The following EVI5 variants were observed in gnomAD, a reference collection of about 807,000 sequenced individuals.
EVI5 encodes ecotropic viral integration site 5 protein homolog.
In EVI5, 73 loss-of-function variants were observed where a neutral mutation model predicts 112.0. That is an observed-to-expected ratio of 0.65 (90% confidence interval 0.54 to 0.79). The LOEUF is 0.79. Ranked by LOEUF, EVI5 falls within the 30% of genes least tolerant of loss-of-function variation. EVI5 has a pLI of 0.00. For synonymous variants in EVI5, 305 were observed against 319.9 expected, an observed-to-expected ratio of 0.95 and a Z score of 0.50; for missense variants, 900 against 968.8, an observed-to-expected ratio of 0.93 and a Z score of 0.94.
At position 92,607,711 on chromosome 1, in the gene EVI5, T is replaced by A. The variant is rs1650754276; in HGVS notation, c.1844A>T (p.Asn615Ile). Residue 615 changes from asparagine (N) to isoleucine (I), a missense_variant, in exon 17 of 20, where the codon AAC (asparagine) becomes ATC (isoleucine). Asn to Ile is a moderately radical substitution (Grantham distance 149, BLOSUM62 -3). Transcript: ENST00000684568. ...CTCTTGTTCTGCTCTTCGAAGATGG[T>A]TACTATTGATCTGGTTCTAATAATC... ...EMETQNQINS[N>I]HLRRAEQEVI... The A allele has an allele frequency of 6.2e-7, 1 of 1,600,680 alleles. No homozygotes were observed. Among genetic ancestry groups the A allele is most frequent in the Non-Finnish European group, 8.5e-7 (1 of 1,174,380 alleles).
chr1:92,727,660 C>CA (rs1276202306), intron 2 of EVI5, among the ~76,000 whole-genome samples: 1 of 152,010 alleles, frequency 6.6e-6, no homozygotes, highest in Non-Finnish European at 1.5e-5. Context: ...AATTAAAAGA[C>CA]AAAGATTGTC....
intron 1 of EVI5, among the ~76,000 whole-genome samples, chr1:92,781,146 G>A (rs974196179): frequency 6.6e-5 from 10 of 151,398 alleles, no homozygotes; most frequent in East Asian, 2.0e-4. Flanking sequence ...CACCACGCCC[G>A]GCCTAAAAAG....
chr1:92,661,652 TG>T (rs1664035825), intron 13 of EVI5, among the ~76,000 whole-genome samples: 1 of 152,118 alleles, frequency 6.6e-6, no homozygotes, highest in Non-Finnish European at 1.5e-5. Context: ...AGTATTATTT[TG>T]TCACTCTCCT....
intron 5 of EVI5, among the ~76,000 whole-genome samples, chr1:92,698,655 A>G (rs1363075283): frequency 6.6e-6 from 1 of 152,210 alleles, no homozygotes; most frequent in African/African-American, 2.4e-5. Flanking sequence ...TGGAGGAGAA[A>G]TAACAGGGAA....
intron 13 of EVI5, among the ~76,000 whole-genome samples, chr1:92,656,441 C>A (rs1038651560): frequency 6.6e-6 from 1 of 151,564 alleles, no homozygotes; most frequent in Non-Finnish European, 1.5e-5. Flanking sequence ...AATAAAAAAA[C>A]CAGAAGGATC....
intron 16 of EVI5, among the ~76,000 whole-genome samples, chr1:92,608,440 T>C (rs910324803): frequency 1.3e-5 from 2 of 152,082 alleles, no homozygotes; most frequent in African/African-American, 4.8e-5. Flanking sequence ...GTGCAGTGGC[T>C]CATGTCTAAT....
At chr1:92,706,813 G>A (rs1183525655) in intron 2 of EVI5, among the ~76,000 whole-genome samples, 2 of 152,140 alleles carry the variant, frequency 1.3e-5, no homozygotes, top group African/African-American at 4.8e-5. Flanking sequence ...TACTGTCCCT[G>A]CTTTATCTTA....
chr1:92,578,729 A>G (rs1181006825), intron 18 of EVI5, among the ~76,000 whole-genome samples: 3 of 151,908 alleles, frequency 2.0e-5, no homozygotes, highest in East Asian at 3.9e-4. Context: ...AAAAAAAAAA[A>G]AAAGAAAAGA....
In EVI5 at chr1:92,569,762, G is replaced by A. The variant is rs994148227; in HGVS notation, c.2071-6025C>T. 3.4e-5 allele frequency among the ~76,000 whole-genome samples: 5 copies of A among 149,202 alleles called. No homozygotes were observed. In the East Asian group the frequency reaches 8.0e-4, roughly 24 times the overall value. ...CCAGCTACTCAGGAGGTTGACGCAG[G>A]AGAATCGCTTGAACCCGGGAGGTGG... On this transcript the variant is annotated intron_variant, in intron 18 of 19. Coordinates refer to ENST00000684568, the MANE Select transcript of EVI5 (RefSeq NM_001350197.2).
intron 19 of EVI5, among the ~76,000 whole-genome samples, chr1:92,545,811 T>A (rs765326881): frequency 3.9e-5 from 6 of 152,084 alleles, no homozygotes; most frequent in Non-Finnish European, 5.9e-5. Context: ...CTACTCATTT[T>A]CCTCCTACCT....
chr1:92,746,650 C>A (rs529897603), intron 1 of EVI5, among the ~76,000 whole-genome samples: 18 of 152,132 alleles, frequency 1.2e-4, no homozygotes, highest in African/African-American at 4.3e-4. Flanking sequence ...GACTTGAGCC[C>A]AGGAGGCCAA....
At chr1:92,709,841 G>A (rs984071454) in intron 2 of EVI5, among the ~76,000 whole-genome samples, 7 of 152,036 alleles carry the variant, frequency 4.6e-5, no homozygotes, top group African/African-American at 1.7e-4. Context: ...AACAACTCAA[G>A]AAGGCTTTTA....
At chr1:92,731,928 G>C (rs34761380) in intron 2 of EVI5, 30,020 of 151,908 alleles carry the variant, frequency 0.2, 3,506 homozygotes, top group Non-Finnish European at 0.26. Flanking sequence ...GGAGAGAAAC[G>C]GTATAATCTT....
In EVI5 at chr1:92,703,533, A is replaced by G. The variant is rs1354309836; in HGVS notation, c.426T>C (p.Asp142=). The change falls in exon 4 of 20, where the codon GAT becomes GAC. Residue 142 remains aspartate (D), a synonymous_variant. Coordinates refer to ENST00000684568, the MANE Select transcript of EVI5 (RefSeq NM_001350197.2). The part of the protein sequence containing the change: ...LCSAQSMPIK[D]QYSELLKMTS... ...TCATTTTCAGGAGTTCTGAATACTGATCCTTAATTGGCATACTTTGTGCAC... is the reference window on the plus strand; with the variant it reads ...TCATTTTCAGGAGTTCTGAATACTGGTCCTTAATTGGCATACTTTGTGCAC... 2 of 1,602,768 alleles carry G rather than the reference A, an allele frequency of 1.2e-6. No individual in the cohort carries two copies. The highest frequency in any genetic ancestry group is 1.8e-5 in the Admixed American group (1 of 56,366).
At chr1:92,614,840 T>TTTTA (rs1652682418) in intron 16 of EVI5, among the ~76,000 whole-genome samples, 1 of 12,612 alleles carries the variant, frequency 7.9e-5, no homozygotes, top group East Asian at 6.8e-3. Flanking sequence ...ATGTTATATT[T>TTTTA]TATATATATA....
intron 9 of EVI5, among the ~76,000 whole-genome samples, chr1:92,687,771 C>CA (rs763697525): frequency 6.6e-6 from 1 of 152,170 alleles, no homozygotes; most frequent in African/African-American, 2.4e-5. Flanking sequence ...ATGCAGCCAA[C>CA]AGACATGTGA....
At chr1:92,583,789 T>C (rs1672351838) in intron 18 of EVI5, among the ~76,000 whole-genome samples, 1 of 151,352 alleles carries the variant, frequency 6.6e-6, no homozygotes, top group Admixed American at 6.6e-5. Flanking sequence ...CTGAAACTTA[T>C]AATTAGTTAT....
chr1:92,786,703 C>T (rs536181455), upstream of EVI5, among the ~76,000 whole-genome samples: 13 of 152,288 alleles, frequency 8.5e-5, no homozygotes, highest in South Asian at 2.7e-3. Flanking sequence ...TTCAAAATAA[C>T]AGTGTGACCC....
intron 1 of EVI5, among the ~76,000 whole-genome samples, chr1:92,766,254 C>T (rs1008099873): frequency 9.2e-5 from 14 of 151,592 alleles, no homozygotes; most frequent in African/African-American, 3.1e-4. Context: ...AAGCCTATTC[C>T]CTAACCTCAA....
Sources: allele counts gnomAD v4.1 joint callset (sites outside exome capture counted in the v4.1 genomes callset), GRCh38; gene constraint gnomAD v4.1.1; transcripts MANE v1.5; gene names NCBI Gene and HGNC (gene_info 2026-07-23, HGNC 2026-07-21).